Variants in ERBIN observed in about 807,000 individuals in gnomAD.
The protein encoded by ERBIN is densin-180-like protein.
In ERBIN, 60 loss-of-function variants were observed where a neutral mutation model predicts 158.4. The observed-to-expected ratio is 0.38, with a 90% CI of 0.31 to 0.47. The LOEUF (loss-of-function observed/expected upper bound fraction) is 0.47, where lower values mean the gene tolerates loss of function less well. Ranked by LOEUF, ERBIN falls within the 20% of genes least tolerant of loss-of-function variation. ERBIN has a pLI of 0.99. For synonymous variants in ERBIN, 594 were observed against 557.2 expected, an observed-to-expected ratio of 1.07 and a Z score of -0.93; for missense variants, 1,610 against 1,648.0, an observed-to-expected ratio of 0.98 and a Z score of 0.40.
At chr5:66,006,181 A>G (rs1244701356) in intron 4 of ERBIN, among the ~76,000 whole-genome samples, 2 of 152,190 alleles carry the variant, frequency 1.3e-5, no homozygotes, top group East Asian at 1.9e-4. Flanking sequence ...CATAGTACTG[A>G]TACCAAAACA....
Position 66,075,197 on chromosome 5 carries a change from T to G in ERBIN, c.3930T>G (p.Ser1310=). ...CTCCATATACACAGCCCCATTGTTCTCCTAGACAAGGCCATGAACTGGCAA... is the reference window on the plus strand; with the variant it reads ...CTCCATATACACAGCCCCATTGTTCGCCTAGACAAGGCCATGAACTGGCAA... ...HQPPYTQPHC[S]PRQGHELAKQ... Residue 1310 remains serine, a synonymous_variant, in exon 23 of 26, where the codon TCT becomes TCG. Transcript: ENST00000284037. The G allele has an allele frequency of 6.2e-7, 1 of 1,614,146 alleles. No homozygotes were observed.
chr5:66,051,308 GCTGCC>G, intron 20 of ERBIN, among the ~76,000 whole-genome samples: 1 of 152,174 alleles, frequency 6.6e-6, no homozygotes, highest in South Asian at 2.1e-4. Context: ...ATTTTGAGGG[GCTGCC>G]ATTAAAGGGT....
intron 4 of ERBIN, among the ~76,000 whole-genome samples, chr5:66,007,496 T>C (rs1403563318): frequency 6.6e-6 from 1 of 151,222 alleles, no homozygotes; most frequent in Non-Finnish European, 1.5e-5. Flanking sequence ...TGTATACATA[T>C]GTAACAAACC....
chr5:66,018,473 T>TATATTATATAA lies in ERBIN; in HGVS notation c.534-2849_534-2848insATATTATATAA, dbSNP rs1491531381. 4.0e-4 allele frequency among the ~76,000 whole-genome samples: 2 copies of TATATTATATAA among 5,062 alleles called. 1 individual carries two copies. Among genetic ancestry groups the TATATTATATAA allele is most frequent in the Admixed American group, 5.5e-3 (2 of 364 alleles). 3.3% of individuals were successfully genotyped at this position (5,062 alleles called of 152,430 possible). Reference sequence around the variant, plus strand: ...TATATATTATATTATATAATATATATTATATATTATATATTATATTATATA... The same window carrying TATATTATATAA: ...TATATATTATATTATATAATATATATATATTATATAATATATATTATATATTATATTATATA... On this transcript the variant is annotated intron_variant, in intron 7 of 25. Transcript: ENST00000284037.
At chr5:65,930,789 T>C (rs1323048827) in intron 1 of ERBIN, among the ~76,000 whole-genome samples, 2 of 152,254 alleles carry the variant, frequency 1.3e-5, no homozygotes, top group African/African-American at 4.8e-5. Context: ...ATTTCTCTGT[T>C]CCTTCTTCTC....
At chr5:66,030,306 T>G (rs930314653) in intron 14 of ERBIN, among the ~76,000 whole-genome samples, 1 of 151,592 alleles carries the variant, frequency 6.6e-6, no homozygotes, top group African/African-American at 2.4e-5. Context: ...CCTCCCAAAG[T>G]GCTGGGATTA....
chr5:65,967,798 A>G (rs1748827760), intron 1 of ERBIN, among the ~76,000 whole-genome samples: 1 of 152,234 alleles, frequency 6.6e-6, no homozygotes, highest in South Asian at 2.1e-4. Flanking sequence ...AGTATTACCT[A>G]TCATGGGTCT....
chr5:65,953,886 ATTC>A lies in ERBIN; in HGVS notation c.-58+27083_-58+27085del, dbSNP rs376959206. ...GGGATTGTAGAACATTAATTTCGAC[ATTC>A]TTTTGTGCCTATGCATGAAATTAGA... On this transcript the variant is annotated intron_variant, in intron 1 of 25. Coordinates refer to ENST00000284037, the MANE Select transcript of ERBIN (RefSeq NM_001253697.2). Among the ~76,000 whole-genome samples the A allele has an allele frequency of 4.2e-3, 637 of 152,296 alleles. 4 individuals carry two copies. The highest frequency in any genetic ancestry group is 0.015 in the African/African-American group (611 of 41,542).
At position 66,081,874 on chromosome 5, in the gene ERBIN, T is replaced by C. The variant is rs1762400615; in HGVS notation, c.*3344T>C. On this transcript the variant is annotated 3_prime_UTR_variant, in exon 26 of 26. Transcript: ENST00000284037. ...ATTATGATTCAAGAGCATTAATTGATGAACAAGTGAACAAGATGCCTCTTT... is the reference window on the plus strand; with the variant it reads ...ATTATGATTCAAGAGCATTAATTGACGAACAAGTGAACAAGATGCCTCTTT... 1.3e-5 allele frequency: 2 copies of C among 151,644 alleles called. No homozygotes were observed. Among genetic ancestry groups the C allele is most frequent in the Admixed American group, 6.6e-5 (1 of 15,202 alleles). 9.4% of individuals were successfully genotyped at this position (151,644 alleles called of 1,614,324 possible). A position where few individuals can be genotyped will look rare whatever the true frequency, so the allele number is the denominator to read the frequency against.
At chr5:66,047,077 C>T (rs1318611931) in intron 18 of ERBIN, among the ~76,000 whole-genome samples, 1 of 152,032 alleles carries the variant, frequency 6.6e-6, no homozygotes, top group Non-Finnish European at 1.5e-5. Context: ...ACTTTTAGAA[C>T]ATGTTTCTCA....
intron 15 of ERBIN, among the ~76,000 whole-genome samples, chr5:66,042,455 T>C (rs1425538164): frequency 6.6e-6 from 1 of 152,048 alleles, no homozygotes; most frequent in African/African-American, 2.4e-5. Context: ...TCGGAATATT[T>C]GCAGAATTCA....
chr5:66,056,586 G>C (rs1241472155), intron 21 of ERBIN, among the ~76,000 whole-genome samples: 1 of 151,664 alleles, frequency 6.6e-6, no homozygotes, highest in African/African-American at 2.4e-5. Context: ...TGAAATTCAC[G>C]GTACGGGTTC....
At chr5:66,052,392 C>T (rs1202722773) in intron 20 of ERBIN, among the ~76,000 whole-genome samples, 3 of 152,004 alleles carry the variant, frequency 2.0e-5, no homozygotes, top group Non-Finnish European at 2.9e-5. Flanking sequence ...TAATTATAAT[C>T]ACAATCAATC....
chr5:66,008,418 CTAAA>C (rs1753851155), intron 4 of ERBIN, among the ~76,000 whole-genome samples: 1 of 152,022 alleles, frequency 6.6e-6, no homozygotes, highest in Non-Finnish European at 1.5e-5. Context: ...GACTCCATCG[CTAAA>C]TAAATAAATA....
chr5:66,057,908 T>TCCATGATGTCTATGTGC (rs545959114), intron 21 of ERBIN, among the ~76,000 whole-genome samples: 1 of 142,998 alleles, frequency 7.0e-6, no homozygotes, highest in African/African-American at 2.9e-5. Context: ...TGCATAGTAT[T>TCCATGATGTCTATGTGC]CACATTTTCT....
intron 1 of ERBIN, among the ~76,000 whole-genome samples, chr5:65,961,915 G>A (rs999429715): frequency 2.0e-5 from 3 of 152,104 alleles, no homozygotes; most frequent in Non-Finnish European, 4.4e-5. Flanking sequence ...ACATAGTACT[G>A]TATCTTTTTG....
At chr5:65,960,292 G>A (rs1018155174) in intron 1 of ERBIN, among the ~76,000 whole-genome samples, 1 of 152,194 alleles carries the variant, frequency 6.6e-6, no homozygotes, top group African/African-American at 2.4e-5. Context: ...GCAGAAATGA[G>A]GCTATAGCAT....
chr5:65,930,608 A>G (rs578091119), intron 1 of ERBIN, among the ~76,000 whole-genome samples: 3 of 152,206 alleles, frequency 2.0e-5, no homozygotes, highest in Admixed American at 1.3e-4. Flanking sequence ...GCTCCCGGCC[A>G]TTGTTTGTTT....
Position 65,926,790 on chromosome 5 carries a change from C to T in ERBIN, c.-74C>T, listed in dbSNP as rs1470628753. On this transcript the variant is annotated 5_prime_UTR_variant, in exon 1 of 26. In the 5' UTR this introduces an upstream ATG that the reference lacks. Transcript: ENST00000284037. ...AAGCCTTGAAAAAGCTGCCCTGAGA[C>T]GGTGTCCCGCCGAAAGGTAATTTTC... 2.0e-5 allele frequency: 3 copies of T among 151,490 alleles called. No homozygotes were observed. The highest frequency in any genetic ancestry group is 6.5e-5 in the Admixed American group (1 of 15,280). The allele number at this position is 151,490 out of a possible 1,614,324, so 9.4% of individuals were successfully genotyped here.
Sources: allele counts gnomAD v4.1 joint callset (sites outside exome capture counted in the v4.1 genomes callset), GRCh38; gene constraint gnomAD v4.1.1; transcripts MANE v1.5; gene names NCBI Gene and HGNC (gene_info 2026-07-23, HGNC 2026-07-21).